ABCG2: variants seen among roughly 807,000 people sequenced by gnomAD.
ABCG2 encodes ATP binding cassette subfamily G member 2 (JR blood group), also known as broad substrate specificity ATP-binding cassette transporter ABCG2.
A neutral mutation model predicts 73.5 loss-of-function variants in ABCG2; 80 were observed. The ratio of observed to expected loss-of-function variants is 1.09; its 90% CI spans 0.91 to 1.31. The LOEUF is 1.31. Ranked by LOEUF, ABCG2 falls within the 50% of genes most tolerant of loss-of-function variation. ABCG2 has a pLI of 0.00. For synonymous variants in ABCG2, 269 were observed against 282.4 expected (o/e 0.95, Z 0.48); for missense variants, 796 against 786.2 (o/e 1.01, Z -0.15).
chr4:88,195,858 C>T (rs1728922948), intron 1 of ABCG2, among the ~76,000 whole-genome samples: 1 of 152,166 alleles, frequency 6.6e-6, no homozygotes, highest in Non-Finnish European at 1.5e-5. Context: ...GCATGCTCAA[C>T]TGAGGTGTTT....
intron 1 of ABCG2, among the ~76,000 whole-genome samples, chr4:88,224,536 G>A (rs1335675526): frequency 6.6e-6 from 1 of 151,830 alleles, no homozygotes; most frequent in Non-Finnish European, 1.5e-5. Flanking sequence ...CTGTTGCCCA[G>A]GCTGGAATGC....
At chr4:88,222,815 C>T (rs542826546) in intron 1 of ABCG2, among the ~76,000 whole-genome samples, 11 of 152,296 alleles carry the variant, frequency 7.2e-5, no homozygotes, top group Middle Eastern at 3.4e-3. Context: ...CCCATGCACC[C>T]GGAAAAGCTG....
chr4:88,182,612 T>C (rs1410930318), intron 1 of ABCG2, among the ~76,000 whole-genome samples: 1 of 152,090 alleles, frequency 6.6e-6, no homozygotes, highest in African/African-American at 2.4e-5. Context: ...TTGGAAACTA[T>C]ACAAACACAT....
chr4:88,186,867 C>T lies in ABCG2; in HGVS notation c.-20+44127G>A, dbSNP rs1280826607. On this transcript the variant is annotated intron_variant, in intron 1 of 15. Coordinates refer to the ABCG2 transcript ENST00000515655. ...CCGGGAGGCAGAGCTTGCAGTGAGC[C>T]GAGATCCCGCCACTGCACTCCAGCC... is the stretch of plus-strand genomic sequence containing the variant. Among the ~76,000 whole-genome samples, 18 of 137,194 alleles carry T rather than the reference C, an allele frequency of 1.3e-4. 1 individual carries two copies. Among genetic ancestry groups the T allele is most frequent in the Non-Finnish European group, 1.5e-5 (1 of 65,104 alleles). 90.0% of individuals were successfully genotyped at this position (137,194 alleles called of 152,430 possible).
chr4:88,138,290 G>A (rs537677311), intron 2 of ABCG2, among the ~76,000 whole-genome samples: 84 of 152,056 alleles, frequency 5.5e-4, no homozygotes, highest in Non-Finnish European at 1.0e-3. Flanking sequence ...GATCTTCAGC[G>A]TTGGTGAGGG....
At position 88,230,318 on chromosome 4, in the gene ABCG2, T is replaced by G. The variant is rs1168888696; in HGVS notation, c.-20+676A>C. Among the ~76,000 whole-genome samples, 8 of 31,964 alleles carry G rather than the reference T, an allele frequency of 2.5e-4. 1 individual carries two copies. Among genetic ancestry groups the G allele is most frequent in the African/African-American group, 1.0e-3 (6 of 5,806 alleles). The allele number at this position is 31,964 out of a possible 152,430, so 21.0% of individuals were successfully genotyped here. On this transcript the variant is annotated intron_variant, in intron 1 of 15. Coordinates refer to the ABCG2 transcript ENST00000515655. Reference sequence around the variant, plus strand: ...ATATATATATATATATTTTTTTTTTTGGCCACATATATATATATATATATA... The same window carrying G: ...ATATATATATATATATTTTTTTTTTGGGCCACATATATATATATATATATA...
At chr4:88,096,129 C>T (rs1721967195) in intron 13 of ABCG2, among the ~76,000 whole-genome samples, 2 of 152,180 alleles carry the variant, frequency 1.3e-5, no homozygotes. Context: ...GCAGGCTTAA[C>T]ATAACCCAAA....
intron 1 of ABCG2, among the ~76,000 whole-genome samples, chr4:88,147,016 G>GGAAAGAAAGAAAAGAAAGAAAGAAA (rs1726076096): frequency 8.0e-6 from 1 of 125,162 alleles, no homozygotes; most frequent in Non-Finnish European, 1.6e-5. Context: ...AGAAAGAAAA[G>GGAAAGAAAGAAAAGAAAGAAAGAAA]GAAAGAAAGA....
At chr4:88,159,492 T>C (rs574245371), upstream of ABCG2, among the ~76,000 whole-genome samples, 84 of 152,254 alleles carry the variant, frequency 5.5e-4, 1 homozygote, top group Non-Finnish European at 9.8e-4. Context: ...GACATACTTC[T>C]GTGCAATATT....
chr4:88,143,191 T>G (rs780601967), intron 1 of ABCG2, among the ~76,000 whole-genome samples: 34 of 152,156 alleles, frequency 2.2e-4, no homozygotes, highest in Admixed American at 7.2e-4. Context: ...TGGATTTGGG[T>G]GTCTGAGGGG....
At chr4:88,124,427 T>G (rs940139467) in intron 5 of ABCG2, among the ~76,000 whole-genome samples, 1 of 152,122 alleles carries the variant, frequency 6.6e-6, no homozygotes, top group East Asian at 1.9e-4. Flanking sequence ...CCATCTCACA[T>G]GAAAGATACA....
chr4:88,167,638 A>G (rs1450656144), intron 1 of ABCG2, among the ~76,000 whole-genome samples: 1 of 152,070 alleles, frequency 6.6e-6, no homozygotes, highest in Non-Finnish European at 1.5e-5. Flanking sequence ...GCCTCCCAAA[A>G]GTGCTGGGAT....
At chr4:88,111,947 T>A (rs1723159933) in intron 9 of ABCG2, among the ~76,000 whole-genome samples, 1 of 151,772 alleles carries the variant, frequency 6.6e-6, no homozygotes, top group Admixed American at 6.6e-5. Flanking sequence ...ATCAGCCAGG[T>A]GTTGTGGTGC....
chr4:88,107,930 A>C (rs758954580), intron 9 of ABCG2, among the ~76,000 whole-genome samples: 1 of 152,136 alleles, frequency 6.6e-6, no homozygotes, highest in Non-Finnish European at 1.5e-5. Context: ...TTCTCTGTGC[A>C]CACACTGCAT....
intron 1 of ABCG2, among the ~76,000 whole-genome samples, chr4:88,168,930 G>A (rs769346337): frequency 1.3e-5 from 2 of 151,470 alleles, no homozygotes; most frequent in African/African-American, 4.9e-5. Flanking sequence ...CCTTCCAAAG[G>A]TAACATCTAT....
chr4:88,168,750 T>G (rs1727638523), intron 1 of ABCG2, among the ~76,000 whole-genome samples: 1 of 152,192 alleles, frequency 6.6e-6, no homozygotes, highest in East Asian at 1.9e-4. Flanking sequence ...ATAAGTCTTT[T>G]GTTTAACTAA....
At chr4:88,106,346 C>T (rs967494433) in intron 10 of ABCG2, among the ~76,000 whole-genome samples, 1 of 152,122 alleles carries the variant, frequency 6.6e-6, no homozygotes, top group African/African-American at 2.4e-5. Context: ...TTACAACAGC[C>T]AAAAGGTGAA....
At chr4:88,104,664 G>GA (rs34090520) in intron 10 of ABCG2, among the ~76,000 whole-genome samples, 12,064 of 150,068 alleles carry the variant, frequency 0.08, 1,098 homozygotes, top group African/African-American at 0.23. Context: ...AGCTTTGGGG[G>GA]AAAAAAAAAA....
intron 13 of ABCG2, among the ~76,000 whole-genome samples, chr4:88,095,994 G>C (rs1170558126): frequency 6.6e-6 from 1 of 152,174 alleles, no homozygotes; most frequent in East Asian, 1.9e-4. Flanking sequence ...ACCTGGCATT[G>C]GAAGAATCTA....
Sources: allele counts gnomAD v4.1 joint callset (sites outside exome capture counted in the v4.1 genomes callset), GRCh38; gene constraint gnomAD v4.1.1; transcripts MANE v1.5; gene names NCBI Gene and HGNC (gene_info 2026-07-23, HGNC 2026-07-21).